The following DPF1 variants were observed in gnomAD, a reference collection of about 807,000 sequenced individuals.
DPF1 encodes double PHD fingers 1.
Under a neutral mutation model 58.7 loss-of-function variants are expected in DPF1, and 14 were observed. That is an observed-to-expected ratio of 0.24 (90% confidence interval 0.16 to 0.37). The LOEUF (loss-of-function observed/expected upper bound fraction) is 0.37, where lower values mean the gene tolerates loss of function less well. DPF1 is among the 10% of genes least tolerant of loss of function. The pLI, the probability that DPF1 is intolerant of heterozygous loss-of-function variation, is 1.00. For missense variants in DPF1, 345 were observed against 529.9 expected (o/e 0.65, Z 3.43); for synonymous variants, 216 against 216.0 (o/e 1.00, Z 0.00).
chr19:38,226,191 C>T (rs942907385), upstream of DPF1, among the ~76,000 whole-genome samples: 5 of 151,774 alleles, frequency 3.3e-5, no homozygotes, highest in Admixed American at 3.3e-4. Context: ...GTGAGCAGAC[C>T]CACTGAGTCA....
Position 38,222,910 on chromosome 19 carries a change from A to G in DPF1, c.30-202T>C, listed in dbSNP as rs1967613564. ...CCAGGGGCCCCCAAACTGGGACTCA[A>G]ACAGGCCCCCAGCTCATGAGTAGAA... On this transcript the variant is annotated intron_variant, in intron 1 of 11. Transcript: ENST00000355526. This position sits in a 1 kb window ranked among gnomAD's most constrained non-coding sequence, Gnocchi z 4.9. 3 of 618,848 alleles carry G rather than the reference A, an allele frequency of 4.8e-6. No homozygotes were observed. The highest frequency in any genetic ancestry group is 3.9e-5 in the African/African-American group (2 of 50,796). The allele number at this position is 618,848 out of a possible 1,614,324, so 38.3% of individuals were successfully genotyped here. A position where few individuals can be genotyped will look rare whatever the true frequency, so the allele number is the denominator to read the frequency against.
At chr19:38,213,588 GT>G in intron 10 of DPF1, 55 bp downstream of exon 10, 3 of 1,496,218 alleles carry the variant, frequency 2.0e-6, no homozygotes, top group South Asian at 1.2e-5. Context: ...AGGGGCAGAG[GT>G]GGACGTGCCA....
chr19:38,219,104 G>A (rs1967260529), intron 3 of DPF1, 46 bp from the exon 4 acceptor site: 2 of 1,608,008 alleles, frequency 1.2e-6, no homozygotes, highest in Non-Finnish European at 1.7e-6. Flanking sequence ...GTTGACCCCG[G>A]AGGACTCCTC....
At chr19:38,220,431 C>A (rs1568633945) in intron 3 of DPF1, among the ~76,000 whole-genome samples, 1 of 151,832 alleles carries the variant, frequency 6.6e-6, no homozygotes, top group Non-Finnish European at 1.5e-5. Flanking sequence ...ACCATCCTGG[C>A]TAACACGGTG....
chr19:38,220,220 AAGAG>A (rs371371086), intron 3 of DPF1, among the ~76,000 whole-genome samples: 9 of 150,860 alleles, frequency 6.0e-5, no homozygotes, highest in East Asian at 3.9e-4. Context: ...AAGAAAAAGA[AAGAG>A]AGAGAAAGAA....
At chr19:38,217,364 A>T in intron 7 of DPF1, 96 bp downstream of exon 7, 3 of 1,370,898 alleles carry the variant, frequency 2.2e-6, no homozygotes, top group Non-Finnish European at 2.9e-6. Flanking sequence ...GAGATTTTCC[A>T]GAAATGTCTA....
chr19:38,218,687 GT>G (rs775010543), intron 4 of DPF1, 25 bp from the exon 5 acceptor site: 2 of 1,613,202 alleles, frequency 1.2e-6, no homozygotes, highest in South Asian at 2.2e-5. Flanking sequence ...AAGGAGACGG[GT>G]CAAGAAAGTG....
Position 38,218,923 on chromosome 19 carries a change from G to A in DPF1, c.426+8C>T. On this transcript the variant is annotated splice_region_variant and intron_variant, in intron 4 of 11. Coordinates refer to ENST00000355526, the MANE Select transcript of DPF1 (RefSeq NM_001135155.3). ...CATGCAGCGGGGGTCCCCCAGAGGT[G>A]GGCCCACCTGACAGTCCATAATGGT... The A allele has an allele frequency of 1.2e-6, 2 of 1,613,882 alleles. No individual in the cohort carries two copies. The highest frequency in any genetic ancestry group is 8.5e-7 in the Non-Finnish European group (1 of 1,179,938).
chr19:38,212,833 C>T (rs1973558732), intron 10 of DPF1, among the ~76,000 whole-genome samples: 1 of 126,288 alleles, frequency 7.9e-6, no homozygotes, highest in Non-Finnish European at 1.6e-5. Context: ...CCAGGCTGGT[C>T]TGGTCTAGAA....
At chr19:38,220,553 G>A (rs1188593960) in intron 3 of DPF1, among the ~76,000 whole-genome samples, 3 of 151,392 alleles carry the variant, frequency 2.0e-5, no homozygotes, top group African/African-American at 7.3e-5. Flanking sequence ...CCCAGGAGGC[G>A]GAGCTTGCAG....
chr19:38,224,194 A>G lies in DPF1; in HGVS notation c.-52T>C. 1 of 1,395,446 alleles carries G rather than the reference A, an allele frequency of 7.2e-7. No homozygotes were observed. Among genetic ancestry groups the G allele is most frequent in the Non-Finnish European group, 9.3e-7 (1 of 1,075,114 alleles). The allele number at this position is 1,395,446 out of a possible 1,614,324, so 86.4% of individuals were successfully genotyped here. A position where few individuals can be genotyped will look rare whatever the true frequency, so the allele number is the denominator to read the frequency against. On this transcript the variant is annotated 5_prime_UTR_variant, in exon 1 of 12. Coordinates refer to ENST00000355526, the MANE Select transcript of DPF1 (RefSeq NM_001135155.3). The surrounding 1 kb of genome is among the most constrained non-coding windows in gnomAD (Gnocchi z 4.5). ...AGGTCCCCGCCGGGTCGGTCCTCCC[A>G]GCGGTCGGGCGGGCGCTGAGGCCGC...
intron 11 of DPF1, 43 bp downstream of exon 11, chr19:38,212,237 T>TGGGGGGGGGGGGGGGGGGGGGGGGG: frequency 8.0e-7 from 1 of 1,256,810 alleles, no homozygotes; most frequent in Non-Finnish European, 1.1e-6. Context: ...GGAGATGGCG[T>TGGGGGGGGGGGGGGGGGGGGGGGGG]TCCCACCCAC....
At chr19:38,214,391 G>A (rs1039696954) in intron 9 of DPF1, among the ~76,000 whole-genome samples, 1 of 152,110 alleles carries the variant, frequency 6.6e-6, no homozygotes, top group African/African-American at 2.4e-5. Flanking sequence ...CCACGGCCCC[G>A]GTGCCATCAC....
chr19:38,216,936 G>A (rs1382730911), intron 7 of DPF1, among the ~76,000 whole-genome samples: 1 of 152,198 alleles, frequency 6.6e-6, no homozygotes, highest in Non-Finnish European at 1.5e-5. Flanking sequence ...ACACTCGGAA[G>A]AAAAACTCCG....
In DPF1 at chr19:38,222,838, T is replaced by G; in HGVS notation, c.30-130A>C. On this transcript the variant is annotated intron_variant, in intron 1 of 11. Transcript: ENST00000355526. This position sits in a 1 kb window ranked among gnomAD's most constrained non-coding sequence, Gnocchi z 4.9. ...GGGCCGACCCCTCCAGCCTCACCTC[T>G]CCCCTCCTCCCACTCCGGGACCCAG... 7.9e-7 allele frequency: 1 copy of G among 1,261,114 alleles called. No homozygotes were observed. Among genetic ancestry groups the G allele is most frequent in the Non-Finnish European group, 1.0e-6 (1 of 963,698 alleles). The allele number at this position is 1,261,114 out of a possible 1,614,324, so 78.1% of individuals were successfully genotyped here. A position where few individuals can be genotyped will look rare whatever the true frequency, so the allele number is the denominator to read the frequency against.
Position 38,224,134 on chromosome 19 carries a change from A to C in DPF1, c.9T>G (p.Thr3=). 1 of 1,483,948 alleles carries C rather than the reference A, an allele frequency of 6.7e-7. No individual in the cohort carries two copies. The highest frequency in any genetic ancestry group is 1.4e-5 in the South Asian group (1 of 70,520). 91.9% of individuals were successfully genotyped at this position (1,483,948 alleles called of 1,614,324 possible). A position where few individuals can be genotyped will look rare whatever the true frequency, so the allele number is the denominator to read the frequency against. MA[T]VIPGPLSLGE... ...ACCACCTCAGGGGGCCAGGGATGACAGTGGCCATCTTGCTCCCCGGGTCCT... is the reference window on the plus strand; with the variant it reads ...ACCACCTCAGGGGGCCAGGGATGACCGTGGCCATCTTGCTCCCCGGGTCCT... The change falls in exon 1 of 12, where the codon ACT becomes ACG. Residue 3 remains threonine (T), a synonymous_variant. Coordinates refer to ENST00000355526, the MANE Select transcript of DPF1 (RefSeq NM_001135155.3). The surrounding 1 kb of genome is among the most constrained non-coding windows in gnomAD (Gnocchi z 4.5).
Position 38,222,160 on chromosome 19 carries a change from TAGG to T in DPF1, c.298+194_298+196del, listed in dbSNP as rs1967531456. ...CAACAACTGGGCACCTGGGCCCATG[TAGG>T]AGGAGATGCAGTCGCCACTCAGTGA... is the stretch of plus-strand genomic sequence containing the variant. On this transcript the variant is annotated intron_variant, in intron 3 of 11. Coordinates refer to ENST00000355526, the MANE Select transcript of DPF1 (RefSeq NM_001135155.3). The surrounding 1 kb of genome is among the most constrained non-coding windows in gnomAD (Gnocchi z 4.9). 1.3e-5 allele frequency among the ~76,000 whole-genome samples: 2 copies of T among 151,970 alleles called. No homozygotes were observed. Among genetic ancestry groups the T allele is most frequent in the South Asian group, 4.2e-4 (2 of 4,808 alleles).
chr19:38,229,436 C>G lies in DPF1; in HGVS notation c.-132+123G>C. On this transcript the variant is annotated intron_variant, in intron 1 of 11. Coordinates refer to the DPF1 transcript ENST00000412732. This position sits in a 1 kb window ranked among gnomAD's most constrained non-coding sequence, Gnocchi z 5.3. Reference sequence around the variant, plus strand: ...GGGACCCCCGGGGCAAGGGTTCGCGCTGGGGGCCCCCATTCAACTACGGTC... The same window carrying G: ...GGGACCCCCGGGGCAAGGGTTCGCGGTGGGGGCCCCCATTCAACTACGGTC... 2.5e-6 allele frequency: 1 copy of G among 403,820 alleles called. No homozygotes were observed. Among genetic ancestry groups the G allele is most frequent in the Non-Finnish European group, 3.4e-6 (1 of 292,650 alleles). 25.0% of individuals were successfully genotyped at this position (403,820 alleles called of 1,614,324 possible). A position where few individuals can be genotyped will look rare whatever the true frequency, so the allele number is the denominator to read the frequency against.
Position 38,212,114 on chromosome 19 carries a change from G to T in DPF1, c.1113C>A (p.Leu371=). Reference sequence around the variant, plus strand: ...CCTTTTCCTTCAGGTGCCGGAGACAGAGGTGACAGCTCCAGCTCCCTGCGG... The same window carrying T: ...CCTTTTCCTTCAGGTGCCGGAGACATAGGTGACAGCTCCAGCTCCCTGCGG... ...EPPEGSWSCH[L]CLRHLKEKAS... is the part of the protein sequence containing the mutation. Residue 371 remains leucine, a synonymous_variant, in exon 12 of 12, where the codon CTC becomes CTA. Transcript: ENST00000355526. The T allele has an allele frequency of 3.1e-6, 5 of 1,611,756 alleles. No individual in the cohort carries two copies. In the African/African-American group the frequency reaches 4.0e-5, roughly 13 times the overall value.
Sources: gnomAD v4.1 joint callset for allele counts (sites outside exome capture counted in the v4.1 genomes callset) on GRCh38, gnomAD v4.1.1 for gene constraint, Gnocchi (gnomAD v3.1) non-coding constraint, MANE v1.5 for transcripts, NCBI Gene and HGNC (gene_info 2026-07-23, HGNC 2026-07-21) for gene names.